Variants in ZC3H6 observed in about 807,000 individuals in gnomAD.
The protein encoded by ZC3H6 is zinc finger CCCH-type containing 6.
A neutral mutation model predicts 107.7 loss-of-function variants in ZC3H6; 40 were observed. The observed-to-expected ratio is 0.37, with a 90% confidence interval of 0.29 to 0.48. The LOEUF is 0.48. Ranked by LOEUF, ZC3H6 falls within the 20% of genes least tolerant of loss-of-function variation. The probability of loss-of-function intolerance (pLI) is 0.98; values close to 1 mark genes in which losing one functional copy is unlikely to be tolerated. For synonymous variants in ZC3H6, 493 were observed against 487.9 expected (o/e 1.01, Z -0.14); for missense variants, 1,267 against 1,410.4 (o/e 0.90, Z 1.63).
chr2:112,331,452 C>G lies in ZC3H6; in HGVS notation c.2534C>G (p.Pro845Arg). The change falls in exon 12 of 12, where the codon CCT (proline) becomes CGT (arginine). Residue 845 changes from proline (P) to arginine (R), a missense_variant. Transcript: ENST00000409871. ...TTCTTAATACCTTTGGATGCCTCAC[C>G]TGGCATAATGCTCCAGGATCCAAGG... ...KAFLIPLDAS[P>R]GIMLQDPRSQ... 6.2e-7 allele frequency: 1 copy of G among 1,613,928 alleles called. No individual in the cohort carries two copies. Among genetic ancestry groups the G allele is most frequent in the Non-Finnish European group, 8.5e-7 (1 of 1,179,876 alleles).
At chr2:112,309,352 C>CACTAGATGTTT (rs1324067500) in intron 3 of ZC3H6, among the ~76,000 whole-genome samples, 4 of 152,182 alleles carry the variant, frequency 2.6e-5, no homozygotes, top group Non-Finnish European at 5.9e-5. Context: ...GCAACTTATT[C>CACTAGATGTTT]ACTAGATGTT....
At chr2:112,301,835 A>G (rs900219404) in intron 2 of ZC3H6, among the ~76,000 whole-genome samples, 7 of 152,082 alleles carry the variant, frequency 4.6e-5, no homozygotes, top group African/African-American at 7.2e-5. Context: ...AACAACATAT[A>G]TATCATTGAC....
At position 112,275,970 on chromosome 2, in the gene ZC3H6, AGCCCC is replaced by A. The variant is rs1301419831; in HGVS notation, c.-18_-14del. 2.0e-6 allele frequency: 3 copies of A among 1,525,740 alleles called. No individual in the cohort carries two copies. Among genetic ancestry groups the A allele is most frequent in the Non-Finnish European group, 2.6e-6 (3 of 1,136,156 alleles). 94.5% of individuals were successfully genotyped at this position (1,525,740 alleles called of 1,614,324 possible). A position where few individuals can be genotyped will look rare whatever the true frequency, so the allele number is the denominator to read the frequency against. On this transcript the variant is annotated 5_prime_UTR_variant, in exon 1 of 12. Transcript: ENST00000409871. Reference sequence around the variant, plus strand: ...CGCCGGCCTCGCAGACCTGCCCTCCAGCCCCGCCCCGTTCTTGACCAAACATGACA... The same window carrying A: ...CGCCGGCCTCGCAGACCTGCCCTCCAGCCCCGTTCTTGACCAAACATGACA...
chr2:112,332,360 C>G lies in ZC3H6; in HGVS notation c.3442C>G (p.Pro1148Ala). 1.9e-6 allele frequency: 3 copies of G among 1,613,876 alleles called. No homozygotes were observed. The highest frequency in any genetic ancestry group is 2.5e-6 in the Non-Finnish European group (3 of 1,179,874). ...CTTAATTAGGCCACAGTACAGTGAT[C>G]CAAGGCAGGCAAGGCAGCCAGGACA... The part of the protein sequence containing the change: ...TGLIRPQYSD[P>A]RQARQPGQGS... Residue 1148 changes from proline (P) to alanine (A), a missense_variant, in exon 12 of 12, where the codon CCA (proline) becomes GCA (alanine). Pro to Ala is a conservative substitution (Grantham distance 27). This residue lies in a region of ZC3H6 where 925 missense variants were observed against 1,025.7 expected (regional missense o/e 0.90). Coordinates refer to ENST00000409871, the MANE Select transcript of ZC3H6 (RefSeq NM_198581.3).
intron 1 of ZC3H6, chr2:112,286,104 G>A (rs1317496888): frequency 3.0e-6 from 1 of 334,492 alleles, no homozygotes; most frequent in African/African-American, 2.2e-5. Flanking sequence ...TCCCAGATAA[G>A]TTTTTCTTTC....
chr2:112,278,093 G>T (rs1423641293), intron 1 of ZC3H6, among the ~76,000 whole-genome samples: 1 of 152,122 alleles, frequency 6.6e-6, no homozygotes, highest in Non-Finnish European at 1.5e-5. Flanking sequence ...TTTTTGTTCT[G>T]CCCAGAGCAA....
At position 112,332,564 on chromosome 2, in the gene ZC3H6, CTA is replaced by C; in HGVS notation, c.*79_*80del. ...CTGCTGTTTTGTAACTGGTTTACCTCTATAGTTTATTTATTTTTAAATTATAA... is the reference window on the plus strand; with the variant it reads ...CTGCTGTTTTGTAACTGGTTTACCTCTAGTTTATTTATTTTTAAATTATAA... On this transcript the variant is annotated 3_prime_UTR_variant, in exon 12 of 12. Transcript: ENST00000409871. The C allele has an allele frequency of 1.4e-6, 2 of 1,389,098 alleles. No homozygotes were observed. Among genetic ancestry groups the C allele is most frequent in the Non-Finnish European group, 1.9e-6 (2 of 1,031,548 alleles). 86.0% of individuals were successfully genotyped at this position (1,389,098 alleles called of 1,614,324 possible).
intron 7 of ZC3H6, among the ~76,000 whole-genome samples, chr2:112,318,645 G>A (rs1676745269): frequency 6.6e-6 from 1 of 152,208 alleles, no homozygotes; most frequent in Non-Finnish European, 1.5e-5. Flanking sequence ...TAGCAAGGAT[G>A]TGAGAAGACC....
At chr2:112,322,096 C>T (rs1676812311) in intron 8 of ZC3H6, among the ~76,000 whole-genome samples, 1 of 150,222 alleles carries the variant, frequency 6.7e-6, no homozygotes, top group South Asian at 2.1e-4. Context: ...TTCTCTCCCC[C>T]TTCCCTCCTT....
intron 1 of ZC3H6, among the ~76,000 whole-genome samples, chr2:112,290,119 AAC>A (rs796165456): frequency 0.03 from 4,587 of 151,018 alleles, no homozygotes; most frequent in African/African-American, 0.11. Flanking sequence ...TTAAAAAAAA[AAC>A]AAACCTATAG....
Position 112,335,486 on chromosome 2 carries a change from TTTG to T in ZC3H6, c.*3001_*3003del, listed in dbSNP as rs1677122681. On this transcript the variant is annotated 3_prime_UTR_variant, in exon 12 of 12. Coordinates refer to ENST00000409871, the MANE Select transcript of ZC3H6 (RefSeq NM_198581.3). Reference sequence around the variant, plus strand: ...GTTTAAAGAGAATAAATTCATATTTTTTGTTCTGAATTGATTTCTGTGTAATTT... The same window carrying T: ...GTTTAAAGAGAATAAATTCATATTTTTTCTGAATTGATTTCTGTGTAATTT... 6.6e-6 allele frequency: 1 copy of T among 152,120 alleles called. No homozygotes were observed. The highest frequency in any genetic ancestry group is 2.4e-5 in the African/African-American group (1 of 41,412). 9.4% of individuals were successfully genotyped at this position (152,120 alleles called of 1,614,324 possible).
At chr2:112,288,238 T>C (rs1453238191) in intron 1 of ZC3H6, among the ~76,000 whole-genome samples, 1 of 152,158 alleles carries the variant, frequency 6.6e-6, no homozygotes, top group African/African-American at 2.4e-5. Context: ...TCCAGATAAT[T>C]TTTCATTGGT....
rs746233433 is a variant in ZC3H6, at chr2:112,303,380, A to T, written c.336+29A>T. On this transcript the variant is annotated intron_variant, in intron 3 of 11. Transcript: ENST00000409871. The stretch of plus-strand genomic sequence containing the variant: ...TTGCCATTTTTTTGTTTTGTGATAA[A>T]ACATAGATAGCATAAAATGTACCAT... 11 of 1,563,670 alleles carry T rather than the reference A, an allele frequency of 7.0e-6. No homozygotes were observed. The South Asian group carries it at 1.1e-4, about 16-fold the overall frequency.
intron 1 of ZC3H6, among the ~76,000 whole-genome samples, chr2:112,285,095 A>G (rs1686582319): frequency 6.6e-6 from 1 of 152,208 alleles, no homozygotes; most frequent in Non-Finnish European, 1.5e-5. Context: ...GTCATCTGAA[A>G]AAGGATTTAA....
rs1264599609 is a variant in ZC3H6, at chr2:112,322,918, T to C, written c.1340+16T>C. On this transcript the variant is annotated intron_variant, in intron 9 of 11. Coordinates refer to ENST00000409871, the MANE Select transcript of ZC3H6 (RefSeq NM_198581.3). ...TTGGGAGGAAGTAAGTGAAAAACTTTCAAAATGACATCAAATATTTTTTTC... is the reference window on the plus strand; with the variant it reads ...TTGGGAGGAAGTAAGTGAAAAACTTCCAAAATGACATCAAATATTTTTTTC... 3.2e-6 allele frequency: 5 copies of C among 1,562,670 alleles called. No individual in the cohort carries two copies. Among genetic ancestry groups the C allele is most frequent in the Non-Finnish European group, 4.3e-6 (5 of 1,160,152 alleles).
At chr2:112,308,908 C>T (rs900321198) in intron 3 of ZC3H6, among the ~76,000 whole-genome samples, 6 of 151,334 alleles carry the variant, frequency 4.0e-5, no homozygotes, top group South Asian at 2.1e-4. Context: ...AAAAATTAGC[C>T]GGGCATGTTG....
chr2:112,334,093 T>C lies in ZC3H6; in HGVS notation c.*1605T>C, dbSNP rs1201892821. The stretch of plus-strand genomic sequence containing the variant: ...AGGGAATGTGAATTTTTACCGTTTG[T>C]ACTTAAGATACATTTGTTGTCTAAA... On this transcript the variant is annotated 3_prime_UTR_variant, in exon 12 of 12. Transcript: ENST00000409871. 6.6e-6 allele frequency: 1 copy of C among 152,138 alleles called. No individual in the cohort carries two copies. Among genetic ancestry groups the C allele is most frequent in the Non-Finnish European group, 1.5e-5 (1 of 67,974 alleles). 9.4% of individuals were successfully genotyped at this position (152,138 alleles called of 1,614,324 possible). A position where few individuals can be genotyped will look rare whatever the true frequency, so the allele number is the denominator to read the frequency against.
At chr2:112,293,297 G>A (rs1377568686) in intron 1 of ZC3H6, among the ~76,000 whole-genome samples, 1 of 152,190 alleles carries the variant, frequency 6.6e-6, no homozygotes, top group Non-Finnish European at 1.5e-5. Flanking sequence ...TTCTAAGACT[G>A]GCTTGAGCAG....
chr2:112,285,290 A>G (rs903464486), intron 1 of ZC3H6, among the ~76,000 whole-genome samples: 2 of 152,188 alleles, frequency 1.3e-5, no homozygotes, highest in African/African-American at 4.8e-5. Flanking sequence ...AGTGACACAA[A>G]AAGATTTTCA....
Sources: allele counts gnomAD v4.1 joint callset (sites outside exome capture counted in the v4.1 genomes callset), GRCh38; gene constraint gnomAD v4.1.1; regional missense constraint gnomAD v4.1.1; transcripts MANE v1.5; gene names NCBI Gene and HGNC (gene_info 2026-07-23, HGNC 2026-07-21).